MACROD2: variants seen among roughly 807,000 people sequenced by gnomAD.
MACROD2 encodes ADP-ribose glycohydrolase MACROD2.
In MACROD2, 36 loss-of-function variants were observed where a neutral mutation model predicts 70.4. The ratio of observed to expected loss-of-function variants is 0.51; its 90% confidence interval spans 0.39 to 0.68. MACROD2 has a LOEUF of 0.68. MACROD2 is among the 30% of genes least tolerant of loss of function. The pLI is 0.00. For synonymous variants in MACROD2, 172 were observed against 178.8 expected (o/e 0.96, Z 0.30); for missense variants, 496 against 538.4 (o/e 0.92, Z 0.78).
At chr20:15,093,100 T>C (rs1352345091) in intron 5 of MACROD2, among the ~76,000 whole-genome samples, 1 of 152,164 alleles carries the variant, frequency 6.6e-6, no homozygotes, top group Non-Finnish European at 1.5e-5. Context: ...GCCACATAAA[T>C]GACACTGAAG....
chr20:15,992,893 T>C, intron 15 of MACROD2, among the ~76,000 whole-genome samples: 1 of 152,226 alleles, frequency 6.6e-6, no homozygotes, highest in East Asian at 1.9e-4. Context: ...GTTCTACAAC[T>C]CAACTCTCTG....
chr20:16,000,862 C>A (rs2066699606), intron 15 of MACROD2, among the ~76,000 whole-genome samples: 2 of 152,226 alleles, frequency 1.3e-5, no homozygotes, highest in East Asian at 1.9e-4. Context: ...TTTGTAAAAA[C>A]CAAAATATTG....
At chr20:14,462,470 C>A (rs1038426045) in intron 3 of MACROD2, among the ~76,000 whole-genome samples, 1 of 151,924 alleles carries the variant, frequency 6.6e-6, no homozygotes, top group Non-Finnish European at 1.5e-5. Flanking sequence ...AAAATTTTCT[C>A]CCATTCTGTA....
intron 13 of MACROD2, 92 bp downstream of exon 13, chr20:15,967,722 T>C: frequency 8.8e-7 from 1 of 1,133,946 alleles, no homozygotes; most frequent in Non-Finnish European, 1.2e-6. Flanking sequence ...TGAATTTTTC[T>C]GGAAAAATAT....
rs563684814 is a variant in MACROD2, at chr20:14,988,984, G to T, written c.419-240956G>T. 3.9e-5 allele frequency among the ~76,000 whole-genome samples: 6 copies of T among 152,090 alleles called. No homozygotes were observed. The East Asian group carries it at 1.2e-3, about 29-fold the overall frequency. ...ACTTAGATTAAAAGAAGAAACACAG[G>T]TAAGATTATGTTTATAAAAATAAAA... On this transcript the variant is annotated intron_variant, in intron 5 of 17. Transcript: ENST00000684519.
chr20:14,396,945 A>G (rs111692619), intron 3 of MACROD2, among the ~76,000 whole-genome samples: 16,905 of 135,352 alleles, frequency 0.12, 1,870 homozygotes, highest in Non-Finnish European at 0.21. Context: ...AAAAAATCCA[A>G]TCTGATAGTT....
intron 1 of MACROD2, among the ~76,000 whole-genome samples, chr20:14,001,012 C>A (rs2052727237): frequency 1.3e-5 from 2 of 152,192 alleles, no homozygotes; most frequent in African/African-American, 4.8e-5. Context: ...TTTACCTCTT[C>A]ATGCAAAATT....
intron 10 of MACROD2, among the ~76,000 whole-genome samples, chr20:15,925,489 G>A (rs1472016398): frequency 6.6e-6 from 1 of 152,164 alleles, no homozygotes; most frequent in African/African-American, 2.4e-5. Flanking sequence ...TTTATTAAGA[G>A]GCTATGTGTG....
At chr20:14,425,619 A>G (rs1474410441) in intron 3 of MACROD2, among the ~76,000 whole-genome samples, 1 of 152,160 alleles carries the variant, frequency 6.6e-6, no homozygotes, top group Non-Finnish European at 1.5e-5. Flanking sequence ...CAAATCTGGT[A>G]TTCCATCATT....
At chr20:15,585,571 A>T (rs1232426670) in intron 8 of MACROD2, among the ~76,000 whole-genome samples, 1 of 151,776 alleles carries the variant, frequency 6.6e-6, no homozygotes, top group Non-Finnish European at 1.5e-5. Context: ...TAGGAGCATC[A>T]CTCATCCAGT....
chr20:15,383,318 TTGAG>T (rs2146281726), intron 6 of MACROD2, among the ~76,000 whole-genome samples: 1 of 152,296 alleles, frequency 6.6e-6, no homozygotes, highest in East Asian at 1.9e-4. Flanking sequence ...CTAAGATGCA[TTGAG>T]TACTTTCAGT....
chr20:15,718,206 C>G (rs889959874), intron 8 of MACROD2, among the ~76,000 whole-genome samples: 74 of 151,724 alleles, frequency 4.9e-4, no homozygotes, highest in African/African-American at 1.8e-3. Context: ...CCAGGCTGGT[C>G]TTGAACTCTT....
intron 5 of MACROD2, among the ~76,000 whole-genome samples, chr20:14,932,358 G>A (rs1038274847): frequency 6.6e-6 from 1 of 152,118 alleles, no homozygotes; most frequent in African/African-American, 2.4e-5. Context: ...GGAGTGAAAA[G>A]CCCAGTCCTG....
chr20:14,875,136 A>G (rs2073535064), intron 5 of MACROD2, among the ~76,000 whole-genome samples: 1 of 151,930 alleles, frequency 6.6e-6, no homozygotes, highest in South Asian at 2.1e-4. Flanking sequence ...TAATCCTAGC[A>G]CTTTGGGAGG....
intron 4 of MACROD2, among the ~76,000 whole-genome samples, chr20:14,505,600 T>G (rs779046488): frequency 6.1e-4 from 93 of 152,338 alleles, no homozygotes; most frequent in South Asian, 1.4e-3. Flanking sequence ...AATTTGAATA[T>G]GCATCAGAAT....
intron 6 of MACROD2, among the ~76,000 whole-genome samples, chr20:15,336,768 C>T (rs1184520226): frequency 2.0e-5 from 3 of 151,624 alleles, no homozygotes; most frequent in Non-Finnish European, 4.4e-5. Flanking sequence ...TTAAGCATTC[C>T]ATTTTTCCTT....
intron 3 of MACROD2, among the ~76,000 whole-genome samples, chr20:14,092,842 C>A (rs2054169612): frequency 6.6e-6 from 1 of 152,158 alleles, no homozygotes; most frequent in Non-Finnish European, 1.5e-5. Flanking sequence ...TTTAATACTA[C>A]TGCTGTCTTT....
At chr20:15,855,718 C>T (rs1208282377) in intron 8 of MACROD2, among the ~76,000 whole-genome samples, 2 of 152,138 alleles carry the variant, frequency 1.3e-5, no homozygotes, top group Non-Finnish European at 1.5e-5. Context: ...ACTTCTAACT[C>T]CATCGATGAT....
chr20:14,235,210 C>T (rs187768733), intron 3 of MACROD2, among the ~76,000 whole-genome samples: 18 of 152,216 alleles, frequency 1.2e-4, no homozygotes, highest in Admixed American at 3.9e-4. Flanking sequence ...ATATTATGAA[C>T]AGCTGTAGAT....
Sources: gnomAD v4.1 joint callset for allele counts (sites outside exome capture counted in the v4.1 genomes callset) on GRCh38, gnomAD v4.1.1 for gene constraint, MANE v1.5 for transcripts, NCBI Gene and HGNC (gene_info 2026-07-23, HGNC 2026-07-21) for gene names.